The following AFTPH variants were observed in gnomAD, a reference collection of about 807,000 sequenced individuals.
AFTPH encodes the protein aftiphilin.
A neutral mutation model predicts 72.5 loss-of-function variants in AFTPH; 7 were observed. The observed-to-expected ratio is 0.10, with a 90% CI of 0.05 to 0.18. AFTPH has a LOEUF of 0.18. AFTPH is among the 10% of genes least tolerant of loss of function. The pLI is 1.00. For synonymous variants in AFTPH, 337 were observed against 370.1 expected (o/e 0.91, Z 1.03); for missense variants, 979 against 1,060.5 (o/e 0.92, Z 1.07).
chr2:64,549,651 C>T (rs1460558605), intron 1 of AFTPH, among the ~76,000 whole-genome samples: 4 of 152,028 alleles, frequency 2.6e-5, no homozygotes, highest in East Asian at 1.9e-4. Flanking sequence ...TTTGACTCCT[C>T]AGCACAGAGG....
chr2:64,542,424 G>A (rs778039105), intron 1 of AFTPH, among the ~76,000 whole-genome samples: 3 of 152,146 alleles, frequency 2.0e-5, no homozygotes, highest in Non-Finnish European at 4.4e-5. Flanking sequence ...AATTCTTGTG[G>A]TTGTTCATCT....
chr2:64,545,812 G>C (rs1670574638), intron 1 of AFTPH, among the ~76,000 whole-genome samples: 1 of 151,976 alleles, frequency 6.6e-6, no homozygotes, highest in South Asian at 2.1e-4. Context: ...GATAGTGGTG[G>C]TAGTTACACA....
chr2:64,576,948 G>A lies in AFTPH; in HGVS notation c.2395-2538G>A, dbSNP rs893325940. On this transcript the variant is annotated intron_variant, in intron 6 of 8. Transcript: ENST00000238856. ...TAATTTTTATATTTTTAGTAGAGAC[G>A]GGGTTTCACCATGTTGGCCAGGCTG... 7.9e-5 allele frequency among the ~76,000 whole-genome samples: 12 copies of A among 152,096 alleles called. No individual in the cohort carries two copies. In the South Asian group the frequency reaches 2.1e-3, roughly 26 times the overall value.
chr2:64,547,975 A>AG (rs1166855107), intron 1 of AFTPH, among the ~76,000 whole-genome samples: 1 of 151,870 alleles, frequency 6.6e-6, no homozygotes, highest in East Asian at 1.9e-4. Context: ...TTGTAAAGAC[A>AG]GGGTTACATC....
intron 1 of AFTPH, among the ~76,000 whole-genome samples, chr2:64,548,660 C>T (rs189680712): frequency 3.9e-4 from 60 of 152,116 alleles, no homozygotes; most frequent in Admixed American, 1.5e-3. Context: ...CATTAACAAT[C>T]GCAAAGTGAT....
intron 6 of AFTPH, among the ~76,000 whole-genome samples, chr2:64,576,713 TTTAGAG>T (rs1672824795): frequency 6.6e-6 from 1 of 152,178 alleles, no homozygotes; most frequent in Non-Finnish European, 1.5e-5. Context: ...GAATCAGAAT[TTTAGAG>T]CTAGAAAAGA....
intron 1 of AFTPH, among the ~76,000 whole-genome samples, chr2:64,540,943 A>G (rs540162503): frequency 2.4e-4 from 36 of 152,254 alleles, no homozygotes; most frequent in Admixed American, 5.9e-4. Context: ...TGAACCACTC[A>G]GAAGCCTTTT....
At chr2:64,575,537 A>C (rs1672711584) in intron 6 of AFTPH, among the ~76,000 whole-genome samples, 1 of 151,982 alleles carries the variant, frequency 6.6e-6, no homozygotes. Context: ...AAATCACTTG[A>C]GCTCAGAAGC....
chr2:64,545,031 A>G (rs1670480507), intron 1 of AFTPH, among the ~76,000 whole-genome samples: 1 of 152,182 alleles, frequency 6.6e-6, no homozygotes, highest in East Asian at 1.9e-4. Context: ...TGCTTTGGTT[A>G]CAGAGTTTCT....
chr2:64,528,185 A>C (rs1669395166), intron 1 of AFTPH, among the ~76,000 whole-genome samples: 1 of 152,230 alleles, frequency 6.6e-6, no homozygotes, highest in South Asian at 2.1e-4. Context: ...AGTAAATGAG[A>C]ATTAATTTAC....
At chr2:64,558,920 A>G (rs1671548964) in intron 2 of AFTPH, among the ~76,000 whole-genome samples, 1 of 152,122 alleles carries the variant, frequency 6.6e-6, no homozygotes, top group Non-Finnish European at 1.5e-5. Flanking sequence ...AATTTAGACA[A>G]TCTAATGTAC....
At chr2:64,563,763 G>A (rs1387848474) in intron 2 of AFTPH, among the ~76,000 whole-genome samples, 1 of 152,042 alleles carries the variant, frequency 6.6e-6, no homozygotes, top group Admixed American at 6.6e-5. Flanking sequence ...CAGCCACCAC[G>A]CCCAGCTAAT....
chr2:64,557,205 G>A (rs550117828), intron 2 of AFTPH, among the ~76,000 whole-genome samples: 1 of 152,192 alleles, frequency 6.6e-6, no homozygotes, highest in South Asian at 2.1e-4. Context: ...GGTAATGAAT[G>A]TCATAAGCAC....
intron 1 of AFTPH, among the ~76,000 whole-genome samples, chr2:64,533,381 AGAGT>A (rs1425164816): frequency 6.6e-6 from 1 of 152,344 alleles, no homozygotes; most frequent in South Asian, 2.1e-4. Context: ...CCTGTTCAAC[AGAGT>A]GAGTGAGACC....
rs1329907012 is a variant in AFTPH at position 64,524,625 on chromosome 2, G to C, written c.-33+13G>C. ...CCGAAGGAGCCAGGTAAGCGCCGCC[G>C]CTCCGCTCCCCTAGCTGCGCCGGGG... On this transcript the variant is annotated intron_variant, in intron 1 of 8. Transcript: ENST00000238856. 2.5e-6 allele frequency: 1 copy of C among 397,718 alleles called. No homozygotes were observed. Among genetic ancestry groups the C allele is most frequent in the Admixed American group, 4.4e-5 (1 of 22,694 alleles). The allele number at this position is 397,718 out of a possible 1,614,324, so 24.6% of individuals were successfully genotyped here. A position where few individuals can be genotyped will look rare whatever the true frequency, so the allele number is the denominator to read the frequency against.
intron 7 of AFTPH, 24 bp from the exon 9 acceptor site, chr2:64,585,398 C>T: frequency 6.2e-7 from 1 of 1,612,444 alleles, no homozygotes; most frequent in Non-Finnish European, 8.5e-7. Context: ...CCTGCCATCA[C>T]TGACTATCAT....
At chr2:64,579,684 C>CTGAACAGTAAT (rs1299660815) in intron 7 of AFTPH, 138 bp downstream of exon 7, 1 of 724,956 alleles carries the variant, frequency 1.4e-6, no homozygotes, top group Non-Finnish European at 2.2e-6. Context: ...GGCTTTCTTT[C>CTGAACAGTAAT]TGAACAGTAA....
chr2:64,552,752 T>C, exon 2 of AFTPH: 1 of 1,614,226 alleles, frequency 6.2e-7, no homozygotes, highest in Non-Finnish European at 8.5e-7. Context: ...CTTGCAATGA[T>C]ATCAATGAAG....
In AFTPH at chr2:64,569,612, CGT is replaced by C. The variant is rs771718814; in HGVS notation, c.2215-4_2215-3del. The C allele has an allele frequency of 6.8e-6, 11 of 1,612,842 alleles. No homozygotes were observed. Among genetic ancestry groups the C allele is most frequent in the Non-Finnish European group, 9.3e-6 (11 of 1,179,202 alleles). ...CTAAATATATGTTCTTTCTGTCTAA[CGT>C]GTGTGTAGCTCTTCACGGGCAATAA... On this transcript the variant is annotated splice_polypyrimidine_tract_variant and intron_variant, in intron 4 of 8. Transcript: ENST00000238856.
Sources: gnomAD v4.1 joint callset for allele counts (sites outside exome capture counted in the v4.1 genomes callset) on GRCh38, gnomAD v4.1.1 for gene constraint, MANE v1.5 for transcripts, NCBI Gene and HGNC (gene_info 2026-07-23, HGNC 2026-07-21) for gene names.